Variants in SEM1 observed in about 807,000 individuals in gnomAD.
SEM1 encodes SEM1 26S proteasome subunit.
SEM1 carries 3 observed loss-of-function variants against 12.7 expected under a neutral mutation model. The observed-to-expected ratio is 0.24, with a 90% CI of 0.11 to 0.61. The LOEUF (loss-of-function observed/expected upper bound fraction) is 0.61, where lower values mean the gene tolerates loss of function less well. Ranked by LOEUF, SEM1 falls within the 20% of genes least tolerant of loss-of-function variation. SEM1 has a pLI of 0.88. For missense variants in SEM1, 59 were observed against 81.3 expected, an observed-to-expected ratio of 0.73 and a Z score of 1.06; for synonymous variants, 30 against 27.8, an observed-to-expected ratio of 1.08 and a Z score of -0.25.
At chr7:96,619,061 C>T (rs183704249), downstream of SEM1, among the ~76,000 whole-genome samples, 7 of 152,248 alleles carry the variant, frequency 4.6e-5, no homozygotes, top group African/African-American at 1.4e-4. Flanking sequence ...TAAGCTTCTT[C>T]GAAATCAATA....
chr7:96,576,527 A>G (rs1313442076), intron 2 of SEM1, among the ~76,000 whole-genome samples: 1 of 152,120 alleles, frequency 6.6e-6, no homozygotes, highest in Non-Finnish European at 1.5e-5. Context: ...TGAAAGGTGT[A>G]TCATCTTTTT....
chr7:96,639,343 A>C, intron 2 of SEM1, among the ~76,000 whole-genome samples: 1 of 152,014 alleles, frequency 6.6e-6, no homozygotes, highest in Middle Eastern at 3.2e-3. Flanking sequence ...TCCCGTAAAG[A>C]TATAGTAATC....
In SEM1 at chr7:96,679,936, G is replaced by A. The variant is rs1032022644; in HGVS notation, c.171-6077C>T. 2.0e-5 allele frequency among the ~76,000 whole-genome samples: 3 copies of A among 152,148 alleles called. 1 individual carries two copies. The East Asian group carries it at 5.8e-4, about 29-fold the overall frequency. ...CTTCATCATTTACCACTTCCACGCAGGAAAGCTCCACTTTCAGCTGCCAGC... is the reference window on the plus strand; with the variant it reads ...CTTCATCATTTACCACTTCCACGCAAGAAAGCTCCACTTTCAGCTGCCAGC... On this transcript the variant is annotated intron_variant, in intron 2 of 2. Transcript: ENST00000413065.
chr7:96,495,590 G>A (rs1448850296), intron 1 of SEM1, among the ~76,000 whole-genome samples: 1 of 152,104 alleles, frequency 6.6e-6, no homozygotes, highest in Non-Finnish European at 1.5e-5. Context: ...ATAAACTATT[G>A]TTCTGGCTTG....
intron 2 of SEM1, among the ~76,000 whole-genome samples, chr7:96,537,925 G>A (rs1242669128): frequency 6.6e-6 from 1 of 151,648 alleles, no homozygotes; most frequent in African/African-American, 2.4e-5. Flanking sequence ...GAGATATTAT[G>A]CCTTTTGAAA....
At position 96,510,349 on chromosome 7, in the gene SEM1, C is replaced by A. The variant is rs371691912; in HGVS notation, c.171-3651G>T. Among the ~76,000 whole-genome samples the A allele has an allele frequency of 1.1e-4, 17 of 152,232 alleles. No individual in the cohort carries two copies. In the East Asian group the frequency reaches 1.9e-3, roughly 17 times the overall value. On this transcript the variant is annotated intron_variant and NMD_transcript_variant, in intron 2 of 3. Transcript: ENST00000466986. ...CTAGATGGAATAACCTACTACACAT[C>A]TAGGCTATATGATTAACTTATTGCT...
intron 2 of SEM1, among the ~76,000 whole-genome samples, chr7:96,513,482 G>A (rs1266289711): frequency 1.3e-5 from 2 of 152,096 alleles, no homozygotes; most frequent in Non-Finnish European, 2.9e-5. Context: ...TTATCTGATA[G>A]CATTAGGGGG....
intron 2 of SEM1, among the ~76,000 whole-genome samples, chr7:96,540,601 T>C (rs761527115): frequency 1.3e-5 from 2 of 151,780 alleles, no homozygotes; most frequent in Non-Finnish European, 2.9e-5. Context: ...AAGAAAACAC[T>C]GTTACTTTTT....
intron 2 of SEM1, among the ~76,000 whole-genome samples, chr7:96,693,324 T>C (rs557701939): frequency 6.6e-6 from 1 of 151,914 alleles, no homozygotes; most frequent in Non-Finnish European, 1.5e-5. Context: ...CAAAATAAAA[T>C]TAGGAGGGAA....
At chr7:96,639,177 A>G (rs1808516892) in intron 2 of SEM1, among the ~76,000 whole-genome samples, 1 of 151,912 alleles carries the variant, frequency 6.6e-6, no homozygotes, top group Non-Finnish European at 1.5e-5. Flanking sequence ...CAGTTTTTTC[A>G]TTATTCAACT....
chr7:96,686,689 A>T (rs1388606994), downstream of SEM1, among the ~76,000 whole-genome samples: 4 of 152,184 alleles, frequency 2.6e-5, no homozygotes, highest in Non-Finnish European at 5.9e-5. Flanking sequence ...AAAACCCTAG[A>T]AGAAAACCTA....
chr7:96,598,856 C>T (rs1395848312), intron 2 of SEM1, among the ~76,000 whole-genome samples: 3 of 152,112 alleles, frequency 2.0e-5, no homozygotes, highest in Non-Finnish European at 4.4e-5. Flanking sequence ...TTTAAACTTC[C>T]ATCCTGATGT....
intron 2 of SEM1, among the ~76,000 whole-genome samples, chr7:96,596,299 T>C (rs1011360255): frequency 3.9e-5 from 6 of 152,192 alleles, no homozygotes; most frequent in Admixed American, 3.3e-4. Context: ...CAGTAATATA[T>C]GGCCAGTAAT....
In SEM1 at chr7:96,632,764, G is replaced by GT. The variant is rs977274430; in HGVS notation, c.171-10122dup. Among the ~76,000 whole-genome samples the GT allele has an allele frequency of 6.5e-3, 887 of 137,470 alleles. 7 individuals are homozygous for GT. Among genetic ancestry groups the GT allele is most frequent in the African/African-American group, 0.017 (659 of 37,962 alleles). The allele number at this position is 137,470 out of a possible 152,430, so 90.2% of individuals were successfully genotyped here. A position where few individuals can be genotyped will look rare whatever the true frequency, so the allele number is the denominator to read the frequency against. On this transcript the variant is annotated intron_variant, in intron 2 of 2. Coordinates refer to the SEM1 transcript ENST00000417009. ...CTGATTTTTTGTTCTTATGAAGGTG[G>GT]TTTTTTTTTGTTGTTTTTTGTTTTT...
intron 2 of SEM1, among the ~76,000 whole-genome samples, chr7:96,690,174 A>C (rs752167006): frequency 7.9e-5 from 12 of 152,182 alleles, no homozygotes; most frequent in Non-Finnish European, 1.8e-4. Context: ...ATTTATTTAA[A>C]ATAAAAGTAA....
chr7:96,594,184 T>C (rs777649214), intron 2 of SEM1, among the ~76,000 whole-genome samples: 15 of 152,194 alleles, frequency 9.9e-5, no homozygotes, highest in Non-Finnish European at 2.2e-4. Context: ...TTCTGTCTCC[T>C]GTGAGAAGCA....
intron 1 of SEM1, among the ~76,000 whole-genome samples, chr7:96,702,710 G>T (rs996539126): frequency 2.0e-5 from 3 of 152,090 alleles, no homozygotes; most frequent in Non-Finnish European, 4.4e-5. Flanking sequence ...TATTAGGAAG[G>T]GAAAATTAGT....
chr7:96,576,012 C>T (rs1273170114), intron 2 of SEM1, among the ~76,000 whole-genome samples: 1 of 152,098 alleles, frequency 6.6e-6, no homozygotes, highest in Non-Finnish European at 1.5e-5. Flanking sequence ...TTATGCTATG[C>T]TATTTAGTAG....
At chr7:96,500,930 T>C (rs1332597374), upstream of SEM1, among the ~76,000 whole-genome samples, 2 of 152,168 alleles carry the variant, frequency 1.3e-5, no homozygotes, top group Non-Finnish European at 2.9e-5. Flanking sequence ...TTGTTCTTAC[T>C]CCTTTTGCCA....
Sources: gnomAD v4.1 joint callset for allele counts (sites outside exome capture counted in the v4.1 genomes callset) on GRCh38, gnomAD v4.1.1 for gene constraint, MANE v1.5 for transcripts, NCBI Gene and HGNC (gene_info 2026-07-23, HGNC 2026-07-21) for gene names.